The following OTOG variants were observed in gnomAD, a reference collection of about 807,000 sequenced individuals.
OTOG encodes otogelin.
OTOG carries 296 observed loss-of-function variants against 313.8 expected under a neutral mutation model. The ratio of observed to expected loss-of-function variants is 0.94; its 90% confidence interval spans 0.86 to 1.04. The LOEUF (loss-of-function observed/expected upper bound fraction) is 1.04, where lower values mean the gene tolerates loss of function less well. Ranked by LOEUF, OTOG falls within the 50% of genes least tolerant of loss-of-function variation. The pLI, the probability that OTOG is intolerant of heterozygous loss-of-function variation, is 0.00. For missense variants in OTOG, 3,948 were observed against 3,840.1 expected (o/e 1.03, Z -0.74); for synonymous variants, 1,533 against 1,554.9 (o/e 0.99, Z 0.33).
chr11:17,555,207 ATGTGTGTGTG>A (rs57148062), intron 6 of OTOG, among the ~76,000 whole-genome samples: 1 of 141,160 alleles, frequency 7.1e-6, no homozygotes, highest in Non-Finnish European at 1.6e-5. Flanking sequence ...GGGGGCAGAG[ATGTGTGTGTG>A]TGTGTGTGTG....
chr11:17,614,405 T>G (rs1291416354), intron 39 of OTOG, among the ~76,000 whole-genome samples: 1 of 152,098 alleles, frequency 6.6e-6, no homozygotes, highest in Non-Finnish European at 1.5e-5. Context: ...ACTCCCTGAG[T>G]TTCGTTTCTT....
Position 17,591,560 on chromosome 11 carries a change from T to C in OTOG, c.2978T>C (p.Val993Ala), listed in dbSNP as rs900720997. 3 of 1,550,512 alleles carry C rather than the reference T, an allele frequency of 1.9e-6. No homozygotes were observed. Among genetic ancestry groups the C allele is most frequent in the African/African-American group, 2.7e-5 (2 of 73,062 alleles). Residue 993 changes from valine to alanine, a missense_variant, in exon 25 of 56, where the codon GTG (valine) becomes GCG (alanine). By Grantham distance (64) the Val-to-Ala change is moderately conservative (BLOSUM62 0). Coordinates refer to ENST00000399397, the MANE Select transcript of OTOG (RefSeq NM_001292063.2). ...TTTGATGGGCTCCCGTTTGACTTCG[T>C]GGGGGCATGCAAAGTGCACCTGGTC... ...RTFDGLPFDF[V>A]GACKVHLVKS...
intron 39 of OTOG, among the ~76,000 whole-genome samples, chr11:17,628,191 C>A (rs1170705188): frequency 6.6e-6 from 1 of 152,012 alleles, no homozygotes; most frequent in Non-Finnish European, 1.5e-5. Flanking sequence ...TTGATATAGG[C>A]ACTGATAGCT....
chr11:17,559,703 T>C, intron 12 of OTOG, 41 bp downstream of exon 12: 1 of 1,533,222 alleles, frequency 6.5e-7, no homozygotes, highest in Non-Finnish European at 8.8e-7. Context: ...ACCATCTTCC[T>C]GGCCTGGCAC....
At position 17,610,537 on chromosome 11, in the gene OTOG, C is replaced by T; in HGVS notation, c.5237C>T (p.Pro1746Leu). ...GCCTCCCCACAGCCACACCCACTCC[C>T]CTCTGCACCACCCCGCCCAGCCCAG... The part of the protein sequence containing the change: ...SPASPQPHPL[P>L]SAPPRPAQHT... Residue 1746 changes from proline to leucine, a missense_variant, in exon 36 of 56, where the codon CCC becomes CTC. Pro to Leu is a moderately conservative substitution (Grantham distance 98). Transcript: ENST00000399397. The T allele has an allele frequency of 5.8e-6, 9 of 1,550,680 alleles. No homozygotes were observed. Among genetic ancestry groups the T allele is most frequent in the Non-Finnish European group, 7.8e-6 (9 of 1,146,972 alleles).
At chr11:17,559,474 G>T in intron 11 of OTOG, 60 bp from the exon 12 acceptor site, 1 of 1,547,874 alleles carries the variant, frequency 6.5e-7, no homozygotes, top group South Asian at 1.2e-5. Context: ...TGGGGTAGGA[G>T]CTGGGTCCTG....
rs1193253597 is a variant in OTOG at position 17,561,093 on chromosome 11, C to T, written c.1454C>T (p.Thr485Ile). 4.5e-6 allele frequency: 7 copies of T among 1,550,448 alleles called. No individual in the cohort carries two copies. In the African/African-American group the frequency reaches 8.2e-5, roughly 18 times the overall value. Residue 485 changes from threonine (T) to isoleucine (I), a missense_variant and splice_region_variant, in exon 14 of 56, where the codon ACA (threonine) becomes ATA (isoleucine). Thr to Ile is a moderately conservative substitution (Grantham distance 89, BLOSUM62 -1). Transcript: ENST00000399397. ...SVVKEDCNTC[T>I]CTSGKWECST... is the part of the protein sequence containing the mutation. ...CCTCCTTGGTCTCTGTGTTTTAGCA[C>T]ATGCACCTCAGGCAAGTGGGAGTGC...
chr11:17,628,995 C>A (rs1590053513), intron 39 of OTOG, 138 bp from the exon 40 acceptor site: 1 of 836,714 alleles, frequency 1.2e-6, no homozygotes. Flanking sequence ...GAGCCTGGCA[C>A]ATAGCAGATG....
At chr11:17,609,327 C>A in intron 35 of OTOG, 118 bp downstream of exon 35, 1 of 934,948 alleles carries the variant, frequency 1.1e-6, no homozygotes. Flanking sequence ...GCACAGGGAC[C>A]TTTGGAAAGA....
Position 17,591,598 on chromosome 11 carries a change from C to A in OTOG, c.3006+10C>A. The A allele has an allele frequency of 1.9e-6, 3 of 1,550,362 alleles. No homozygotes were observed. The highest frequency in any genetic ancestry group is 2.6e-6 in the Non-Finnish European group (3 of 1,146,984). ...AGTGCACCTGGTCAAGGTGAGTTCC[C>A]GGATGTTTCTGCCCAGTTGGCTCCA... On this transcript the variant is annotated intron_variant, in intron 25 of 55. Coordinates refer to ENST00000399397, the MANE Select transcript of OTOG (RefSeq NM_001292063.2).
rs1220076800 is a variant in OTOG, at chr11:17,633,671, C to A, written c.7073-9C>A. On this transcript the variant is annotated splice_polypyrimidine_tract_variant and intron_variant, in intron 42 of 55. Coordinates refer to ENST00000399397, the MANE Select transcript of OTOG (RefSeq NM_001292063.2). ...TGAGGTAGGCCTGGTGCCCACTGTG[C>A]CCCTGCAGCCTTCCTGTGCTCCAGC... is the stretch of plus-strand genomic sequence containing the variant. 1.3e-5 allele frequency: 19 copies of A among 1,518,058 alleles called. No individual in the cohort carries two copies. Among genetic ancestry groups the A allele is most frequent in the Non-Finnish European group, 1.7e-5 (19 of 1,129,750 alleles). The allele number at this position is 1,518,058 out of a possible 1,614,324, so 94.0% of individuals were successfully genotyped here. A position where few individuals can be genotyped will look rare whatever the true frequency, so the allele number is the denominator to read the frequency against.
chr11:17,576,498 C>A, intron 20 of OTOG, 58 bp from the exon 21 acceptor site: 1 of 1,416,068 alleles, frequency 7.1e-7, no homozygotes, highest in Non-Finnish European at 9.8e-7. Flanking sequence ...CTGTCCTTGG[C>A]AGTCTCTGCC....
chr11:17,576,659 T>C (rs1053892151), intron 21 of OTOG, 29 bp downstream of exon 21: 55 of 1,531,864 alleles, frequency 3.6e-5, no homozygotes, highest in Non-Finnish European at 4.9e-5. Flanking sequence ...AGCCTTCTTG[T>C]CCTCTCTTTA....
Position 17,586,403 on chromosome 11 carries a change from G to T in OTOG, c.2760-71G>T, listed in dbSNP as rs868226574. 101 of 943,628 alleles carry T rather than the reference G, an allele frequency of 1.1e-4. No individual in the cohort carries two copies. The Middle Eastern group carries it at 5.1e-3, about 48-fold the overall frequency. 58.5% of individuals were successfully genotyped at this position (943,628 alleles called of 1,614,324 possible). A position where few individuals can be genotyped will look rare whatever the true frequency, so the allele number is the denominator to read the frequency against. ...GCCACCTCCGAGCATCCAGATTGAG[G>T]CAGGGTCCTCCACAGATGGCAGCTA... On this transcript the variant is annotated intron_variant, in intron 23 of 55. Coordinates refer to ENST00000399397, the MANE Select transcript of OTOG (RefSeq NM_001292063.2).
intron 25 of OTOG, among the ~76,000 whole-genome samples, chr11:17,592,308 C>G (rs1411943498): frequency 2.0e-5 from 3 of 152,120 alleles, no homozygotes; most frequent in Non-Finnish European, 2.9e-5. Flanking sequence ...ATGACAAAAC[C>G]TTTTATGGAA....
intron 26 of OTOG, 77 bp from the exon 27 acceptor site, chr11:17,593,533 G>A (rs150994071): frequency 1.3e-6 from 2 of 1,519,954 alleles, no homozygotes; most frequent in East Asian, 4.9e-5. Context: ...GCATTGGTGA[G>A]GGCCTGGCTG....
intron 34 of OTOG, 58 bp downstream of exon 34, chr11:17,608,471 C>A: frequency 9.0e-7 from 1 of 1,114,986 alleles, no homozygotes; most frequent in Non-Finnish European, 1.2e-6. Flanking sequence ...TGTGTGTGTG[C>A]ACTCACATAC....
intron 35 of OTOG, 48 bp from the exon 36 acceptor site, chr11:17,609,607 G>C: frequency 7.1e-7 from 1 of 1,417,328 alleles, no homozygotes; most frequent in Non-Finnish European, 9.4e-7. Context: ...AATGACCCCC[G>C]GGGCAGCAGT....
At chr11:17,626,131 G>A (rs998685856) in intron 39 of OTOG, among the ~76,000 whole-genome samples, 1 of 152,084 alleles carries the variant, frequency 6.6e-6, no homozygotes, top group Non-Finnish European at 1.5e-5. Context: ...ATTTGTTTCT[G>A]GGTTCTCTAT....
Sources: gnomAD v4.1 joint callset for allele counts (sites outside exome capture counted in the v4.1 genomes callset) on GRCh38, gnomAD v4.1.1 for gene constraint, MANE v1.5 for transcripts, NCBI Gene and HGNC (gene_info 2026-07-23, HGNC 2026-07-21) for gene names.